Variants in FHIT observed in about 807,000 individuals in gnomAD.
FHIT encodes fragile histidine triad diadenosine triphosphatase.
FHIT carries 19 observed loss-of-function variants against 17.9 expected under a neutral mutation model. The observed-to-expected ratio is 1.06, with a 90% CI of 0.74 to 1.56. FHIT has a LOEUF of 1.56. Among genes scored for constraint, FHIT ranks in the 40% most tolerant of loss-of-function variants. FHIT has a pLI of 0.00. For missense variants in FHIT, 248 were observed against 189.2 expected, an observed-to-expected ratio of 1.31 and a Z score of -1.82; for synonymous variants, 81 against 69.7, an observed-to-expected ratio of 1.16 and a Z score of -0.81.
rs113868708 is a variant in FHIT, at chr3:60,843,865, T to C, written c.-110-21854A>G. Among the ~76,000 whole-genome samples the C allele has an allele frequency of 4.7e-4, 72 of 152,250 alleles. 1 individual carries two copies. Among genetic ancestry groups the C allele is most frequent in the Middle Eastern group, 3.4e-3 (1 of 294 alleles). On this transcript the variant is annotated intron_variant, in intron 3 of 9. Transcript: ENST00000492590. ...CTATAGGTGGGCTCTGGGTAGAGTATATGATTGCTGCATATTTCTAAGAAA... is the reference window on the plus strand; with the variant it reads ...CTATAGGTGGGCTCTGGGTAGAGTACATGATTGCTGCATATTTCTAAGAAA...
rs201983500 is a variant in FHIT at position 60,301,929 on chromosome 3, TA to T, written c.103+234930del. Among the ~76,000 whole-genome samples, 536 of 152,214 alleles carry T rather than the reference TA, an allele frequency of 3.5e-3. 2 individuals are homozygous for T. The highest frequency in any genetic ancestry group is 0.012 in the African/African-American group (510 of 41,552). On this transcript the variant is annotated intron_variant, in intron 5 of 9. Transcript: ENST00000492590. Reference sequence around the variant, plus strand: ...AATGCTAAATATACATCCTGTCAATTAAAAACTGTAAGAGTAACCTTATAAA... The same window carrying T: ...AATGCTAAATATACATCCTGTCAATTAAAACTGTAAGAGTAACCTTATAAA...
intron 4 of FHIT, among the ~76,000 whole-genome samples, chr3:60,572,644 A>T (rs1460204628): frequency 6.6e-6 from 1 of 151,748 alleles, no homozygotes; most frequent in East Asian, 1.9e-4. Flanking sequence ...TTCTTTTCCT[A>T]CTCCCTACAC....
intron 4 of FHIT, among the ~76,000 whole-genome samples, chr3:60,772,154 G>GA (rs71092632): frequency 9.4e-5 from 14 of 149,440 alleles, no homozygotes; most frequent in East Asian, 2.0e-4. Flanking sequence ...TTCTTCAGAA[G>GA]AAAAAAAAAA....
chr3:60,751,539 A>G (rs1320344294), intron 4 of FHIT, among the ~76,000 whole-genome samples: 1 of 152,230 alleles, frequency 6.6e-6, no homozygotes, highest in Non-Finnish European at 1.5e-5. Flanking sequence ...ATAATGTCCA[A>G]CCTCACTATG....
chr3:60,280,028 T>C (rs1480115936), intron 5 of FHIT, among the ~76,000 whole-genome samples: 2 of 62,170 alleles, frequency 3.2e-5, no homozygotes, highest in African/African-American at 9.4e-5. Flanking sequence ...CGAGACTCTG[T>C]CTCAAAAAAA....
chr3:60,864,696 G>T (rs1294494684), intron 3 of FHIT, among the ~76,000 whole-genome samples: 1 of 152,048 alleles, frequency 6.6e-6, no homozygotes, highest in Admixed American at 6.6e-5. Context: ...GCTATCAAAA[G>T]AACCTATTCA....
At chr3:59,841,885 C>A (rs1458955484) in intron 8 of FHIT, among the ~76,000 whole-genome samples, 1 of 152,150 alleles carries the variant, frequency 6.6e-6, no homozygotes, top group Non-Finnish European at 1.5e-5. Context: ...CTTCCAATTT[C>A]TTTTATTGTG....
intron 5 of FHIT, among the ~76,000 whole-genome samples, chr3:60,031,706 G>A (rs1701009120): frequency 6.6e-6 from 1 of 152,162 alleles, no homozygotes. Flanking sequence ...ACTGACTCAT[G>A]CAAAATTATC....
chr3:60,638,461 T>G (rs376895335), intron 4 of FHIT, among the ~76,000 whole-genome samples: 3 of 152,192 alleles, frequency 2.0e-5, no homozygotes, highest in East Asian at 3.9e-4. Flanking sequence ...TGTGGGATAA[T>G]AGTACATTAC....
chr3:60,198,043 G>A (rs1702725566), intron 5 of FHIT, among the ~76,000 whole-genome samples: 1 of 152,122 alleles, frequency 6.6e-6, no homozygotes, highest in African/African-American at 2.4e-5. Context: ...AGGCACAGCA[G>A]GAATTAAAAA....
At chr3:60,042,447 A>G (rs1701479952) in intron 5 of FHIT, among the ~76,000 whole-genome samples, 1 of 152,084 alleles carries the variant, frequency 6.6e-6, no homozygotes, top group Non-Finnish European at 1.5e-5. Context: ...GCCTAAACCA[A>G]TGGGTCACCA....
At chr3:60,276,993 T>A (rs1409176068) in intron 5 of FHIT, among the ~76,000 whole-genome samples, 1 of 152,004 alleles carries the variant, frequency 6.6e-6, no homozygotes, top group African/African-American at 2.4e-5. Flanking sequence ...GGGATTACAT[T>A]TCAACATGAG....
At chr3:61,120,250 A>C (rs1037570904) in intron 2 of FHIT, among the ~76,000 whole-genome samples, 1 of 152,214 alleles carries the variant, frequency 6.6e-6, no homozygotes, top group Non-Finnish European at 1.5e-5. Flanking sequence ...TAAGATCACT[A>C]TGGGTGACTC....
At chr3:60,588,797 G>A (rs1246952580) in intron 4 of FHIT, among the ~76,000 whole-genome samples, 1 of 152,140 alleles carries the variant, frequency 6.6e-6, no homozygotes, top group South Asian at 2.1e-4. Flanking sequence ...TTACAGGTGT[G>A]AGCCATCATG....
Position 60,441,783 on chromosome 3 carries a change from A to T in FHIT, c.103+95077T>A, listed in dbSNP as rs1160335155. Among the ~76,000 whole-genome samples, 56 of 23,936 alleles carry T rather than the reference A, an allele frequency of 2.3e-3. No homozygotes were observed. In the East Asian group the frequency reaches 0.031, roughly 13 times the overall value. The allele number at this position is 23,936 out of a possible 152,430, so 15.7% of individuals were successfully genotyped here. ...ATATATATATATTTATATGTATAAA[A>T]ATATATATATATATATATATATATA... On this transcript the variant is annotated intron_variant, in intron 5 of 9. Coordinates refer to ENST00000492590, the MANE Select transcript of FHIT (RefSeq NM_002012.4).
At chr3:61,247,665 A>G (rs2040520198) in intron 1 of FHIT, among the ~76,000 whole-genome samples, 1 of 152,212 alleles carries the variant, frequency 6.6e-6, no homozygotes. Context: ...CAAGTGTGCT[A>G]CTCTAAGAAA....
chr3:60,478,817 A>G (rs1171007902), intron 5 of FHIT, among the ~76,000 whole-genome samples: 4 of 152,248 alleles, frequency 2.6e-5, no homozygotes, highest in African/African-American at 9.6e-5. Context: ...AAAAGTATTC[A>G]TAAAAGACAA....
chr3:59,932,085 T>C (rs1706000713), intron 7 of FHIT, among the ~76,000 whole-genome samples: 2 of 152,152 alleles, frequency 1.3e-5, no homozygotes. Flanking sequence ...GTGGAAATCA[T>C]TGGCAAGTTC....
chr3:59,932,548 T>C (rs567946278), intron 7 of FHIT, among the ~76,000 whole-genome samples: 3 of 152,296 alleles, frequency 2.0e-5, no homozygotes, highest in Admixed American at 2.0e-4. Flanking sequence ...ATTTTAACGA[T>C]GGGTTTATAA....
Sources: gnomAD v4.1 joint callset for allele counts (sites outside exome capture counted in the v4.1 genomes callset) on GRCh38, gnomAD v4.1.1 for gene constraint, MANE v1.5 for transcripts, NCBI Gene and HGNC (gene_info 2026-07-23, HGNC 2026-07-21) for gene names.